The following MAP2K4 variants were observed in gnomAD, a reference collection of about 807,000 sequenced individuals.
MAP2K4 encodes the protein mitogen-activated protein kinase kinase 4.
A neutral mutation model predicts 48.5 loss-of-function variants in MAP2K4; 4 were observed. The observed-to-expected ratio is 0.08, with a 90% confidence interval of 0.04 to 0.19. The LOEUF (loss-of-function observed/expected upper bound fraction) is 0.19, where lower values mean the gene tolerates loss of function less well. MAP2K4 is among the 10% of genes least tolerant of loss of function. The pLI, the probability that MAP2K4 is intolerant of heterozygous loss-of-function variation, is 1.00. For synonymous variants in MAP2K4, 166 were observed against 173.1 expected, an observed-to-expected ratio of 0.96 and a Z score of 0.32; for missense variants, 258 against 493.3, an observed-to-expected ratio of 0.52 and a Z score of 4.52.
chr17:12,100,000 C>A (rs1971886524), intron 4 of MAP2K4, among the ~76,000 whole-genome samples: 1 of 152,028 alleles, frequency 6.6e-6, no homozygotes, highest in African/African-American at 2.4e-5. Context: ...CCTTTTTTAT[C>A]CTTACTTCCA....
At chr17:12,064,094 G>C (rs145523277) in intron 2 of MAP2K4, among the ~76,000 whole-genome samples, 76 of 151,588 alleles carry the variant, frequency 5.0e-4, no homozygotes, top group African/African-American at 1.8e-3. Flanking sequence ...TCTGACAAAG[G>C]ACTTTTGTAT....
chr17:12,074,102 G>C (rs998219375), intron 2 of MAP2K4, among the ~76,000 whole-genome samples: 2 of 151,978 alleles, frequency 1.3e-5, no homozygotes, highest in African/African-American at 4.8e-5. Context: ...TTAGACATTT[G>C]ATTTGGTTAT....
intron 10 of MAP2K4, among the ~76,000 whole-genome samples, chr17:12,140,520 G>A (rs1055484177): frequency 1.3e-5 from 2 of 152,164 alleles, no homozygotes; most frequent in Admixed American, 6.5e-5. Flanking sequence ...AAAGAAAACT[G>A]TTGCTAGAGA....
At chr17:12,116,655 A>C (rs1237633772) in intron 7 of MAP2K4, among the ~76,000 whole-genome samples, 4 of 152,104 alleles carry the variant, frequency 2.6e-5, no homozygotes, top group African/African-American at 9.7e-5. Context: ...CTAAGACATC[A>C]TTCTAGGCCT....
intron 1 of MAP2K4, among the ~76,000 whole-genome samples, chr17:12,036,018 T>C (rs1969586452): frequency 6.6e-6 from 1 of 152,216 alleles, no homozygotes; most frequent in South Asian, 2.1e-4. Context: ...CGATTACATA[T>C]TTAATTTGGG....
chr17:12,105,572 C>T (rs1347843545), intron 4 of MAP2K4, among the ~76,000 whole-genome samples: 3 of 152,124 alleles, frequency 2.0e-5, no homozygotes. Flanking sequence ...CACATTTATT[C>T]ACTTCTTCTG....
chr17:12,060,986 C>G (rs901888987), intron 2 of MAP2K4, among the ~76,000 whole-genome samples: 1 of 152,114 alleles, frequency 6.6e-6, no homozygotes, highest in Non-Finnish European at 1.5e-5. Context: ...TCCCTTCCTT[C>G]TAGCCCTGGC....
intron 9 of MAP2K4, among the ~76,000 whole-genome samples, chr17:12,133,629 T>G (rs1973109340): frequency 6.6e-6 from 1 of 152,164 alleles, no homozygotes; most frequent in Admixed American, 6.6e-5. Context: ...GAAAAATTCT[T>G]TATTTGTCCT....
chr17:12,099,003 A>G (rs1441055304), intron 4 of MAP2K4, among the ~76,000 whole-genome samples: 1 of 152,142 alleles, frequency 6.6e-6, no homozygotes. Flanking sequence ...CACCCAAACA[A>G]TGTAAATTGT....
intron 4 of MAP2K4, among the ~76,000 whole-genome samples, chr17:12,106,278 C>T (rs914268568): frequency 6.6e-6 from 1 of 152,084 alleles, no homozygotes; most frequent in African/African-American, 2.4e-5. Flanking sequence ...GAGGGTGTTA[C>T]TCGATCTTTC....
intron 9 of MAP2K4, among the ~76,000 whole-genome samples, chr17:12,130,672 T>TGA (rs1972992453): frequency 6.6e-6 from 1 of 152,216 alleles, no homozygotes; most frequent in Non-Finnish European, 1.5e-5. Context: ...AGTAGGTTCA[T>TGA]AGTTCCATGT....
At chr17:12,131,761 C>A (rs1205684537) in intron 9 of MAP2K4, among the ~76,000 whole-genome samples, 1 of 152,038 alleles carries the variant, frequency 6.6e-6, no homozygotes, top group African/African-American at 2.4e-5. Flanking sequence ...TTAAGAACTT[C>A]CATTGATTAA....
chr17:12,123,766 G>A (rs1049831850), intron 7 of MAP2K4, among the ~76,000 whole-genome samples: 3 of 152,022 alleles, frequency 2.0e-5, no homozygotes, highest in African/African-American at 4.8e-5. Context: ...TATTTCTTGA[G>A]ACTTTTTTGA....
intron 8 of MAP2K4, among the ~76,000 whole-genome samples, chr17:12,126,321 T>C (rs1972852411): frequency 6.6e-6 from 1 of 152,260 alleles, no homozygotes; most frequent in South Asian, 2.1e-4. Context: ...CTCTTCTTTC[T>C]TACCTATGGA....
At chr17:12,045,383 G>A (rs1272757649) in intron 1 of MAP2K4, among the ~76,000 whole-genome samples, 1 of 152,162 alleles carries the variant, frequency 6.6e-6, no homozygotes, top group Non-Finnish European at 1.5e-5. Flanking sequence ...GTGTGCACGT[G>A]GTTCCTTGCT....
chr17:12,140,987 A>G (rs1973360731), intron 10 of MAP2K4, among the ~76,000 whole-genome samples, 160 bp from the exon 11 acceptor site: 1 of 152,166 alleles, frequency 6.6e-6, no homozygotes. Flanking sequence ...ATCTGCATGG[A>G]ATAAAGGCTG....
At chr17:12,041,636 T>C (rs1969786569) in intron 1 of MAP2K4, among the ~76,000 whole-genome samples, 1 of 152,162 alleles carries the variant, frequency 6.6e-6, no homozygotes, top group South Asian at 2.1e-4. Flanking sequence ...CATCCAGTTA[T>C]ACATATTTTG....
In MAP2K4 at chr17:12,141,527, A is replaced by G. The variant is rs1973378116; in HGVS notation, c.*267A>G. 1 of 473,232 alleles carries G rather than the reference A, an allele frequency of 2.1e-6. No homozygotes were observed. Among genetic ancestry groups the G allele is most frequent in the South Asian group, 3.1e-5 (1 of 32,478 alleles). 29.3% of individuals were successfully genotyped at this position (473,232 alleles called of 1,614,324 possible). A position where few individuals can be genotyped will look rare whatever the true frequency, so the allele number is the denominator to read the frequency against. ...ATATTCATGAAATGTGGAAGTCAGTACGATCAAGTTGTTGACTGTGATTAG... is the reference window on the plus strand; with the variant it reads ...ATATTCATGAAATGTGGAAGTCAGTGCGATCAAGTTGTTGACTGTGATTAG... On this transcript the variant is annotated 3_prime_UTR_variant, in exon 11 of 11. Transcript: ENST00000353533.
intron 4 of MAP2K4, among the ~76,000 whole-genome samples, chr17:12,100,959 A>G (rs993698231): frequency 6.6e-6 from 1 of 152,078 alleles, no homozygotes; most frequent in Non-Finnish European, 1.5e-5. Flanking sequence ...TTTGAATACA[A>G]GTTTATTATC....
Sources: gnomAD v4.1 joint callset for allele counts (sites outside exome capture counted in the v4.1 genomes callset) on GRCh38, gnomAD v4.1.1 for gene constraint, MANE v1.5 for transcripts, NCBI Gene and HGNC (gene_info 2026-07-23, HGNC 2026-07-21) for gene names.